HEATR5B: variants seen among roughly 807,000 people sequenced by gnomAD.
The protein encoded by HEATR5B is HEAT repeat containing 5B, also known as HEAT repeat-containing protein 5B.
In HEATR5B, 156 loss-of-function variants were observed where a neutral mutation model predicts 224.1. The ratio of observed to expected loss-of-function variants is 0.70; its 90% confidence interval spans 0.61 to 0.80. The LOEUF is 0.80. Ranked by LOEUF, HEATR5B falls within the 30% of genes least tolerant of loss-of-function variation. The pLI, the probability that HEATR5B is intolerant of heterozygous loss-of-function variation, is 0.00. For synonymous variants in HEATR5B, 1,027 were observed against 893.0 expected, an observed-to-expected ratio of 1.15 and a Z score of -2.68; for missense variants, 2,323 against 2,535.5, an observed-to-expected ratio of 0.92 and a Z score of 1.80.
At chr2:37,069,904 T>TTA (rs1436351058) in intron 7 of HEATR5B, among the ~76,000 whole-genome samples, 1 of 150,618 alleles carries the variant, frequency 6.6e-6, no homozygotes. Flanking sequence ...CAAAATCTTT[T>TTA]TTTTTTTTTT....
chr2:37,004,107 C>T (rs886655224), intron 30 of HEATR5B, among the ~76,000 whole-genome samples: 1 of 152,248 alleles, frequency 6.6e-6, no homozygotes, highest in Non-Finnish European at 1.5e-5. Flanking sequence ...TCAGCAACTA[C>T]TACAAACTTT....
At chr2:37,067,569 G>C (rs1379188457) in intron 8 of HEATR5B, among the ~76,000 whole-genome samples, 1 of 152,080 alleles carries the variant, frequency 6.6e-6, no homozygotes, top group Non-Finnish European at 1.5e-5. Flanking sequence ...AGGAGTTTGA[G>C]ACCAGCCTGG....
intron 12 of HEATR5B, 36 bp from the exon 13 acceptor site, chr2:37,059,023 G>T: frequency 7.7e-7 from 1 of 1,299,888 alleles, no homozygotes; most frequent in Non-Finnish European, 1.1e-6. Flanking sequence ...ATTTGGAGTA[G>T]CTTTTGTGAA....
chr2:37,019,723 T>C, intron 26 of HEATR5B, 86 bp downstream of exon 26: 1 of 971,324 alleles, frequency 1.0e-6, no homozygotes, highest in East Asian at 2.5e-5. Flanking sequence ...TCCCAAATTT[T>C]TCTCTATTCC....
chr2:37,082,747 C>T (rs569964007), intron 2 of HEATR5B, among the ~76,000 whole-genome samples: 1 of 152,280 alleles, frequency 6.6e-6, no homozygotes, highest in African/African-American at 2.4e-5. Context: ...TTAATAGACA[C>T]TTGAGTAAAT....
rs1667223275 is a variant in HEATR5B at position 37,003,526 on chromosome 2, A to G, written c.5050+16T>C. 5 of 1,551,630 alleles carry G rather than the reference A, an allele frequency of 3.2e-6. No individual in the cohort carries two copies. Among genetic ancestry groups the G allele is most frequent in the Non-Finnish European group, 4.4e-6 (5 of 1,137,058 alleles). The stretch of plus-strand genomic sequence containing the variant: ...AATAAGATTTACTTCAAGTTAGTGT[A>G]ATTTCTAGTGCTTACTTAGAGTGTT... On this transcript the variant is annotated intron_variant, in intron 31 of 35. Transcript: ENST00000233099.
At chr2:37,044,351 C>A (rs948529740) in intron 18 of HEATR5B, among the ~76,000 whole-genome samples, 1 of 152,150 alleles carries the variant, frequency 6.6e-6, no homozygotes, top group Non-Finnish European at 1.5e-5. Context: ...TAGTTTCATA[C>A]GAATGAAATC....
At chr2:37,017,359 C>T (rs1291746346) in intron 26 of HEATR5B, among the ~76,000 whole-genome samples, 7 of 147,254 alleles carry the variant, frequency 4.8e-5, no homozygotes, top group Non-Finnish European at 7.4e-5. Context: ...TGCCACTGCA[C>T]TACAGCCTGG....
At chr2:37,000,881 T>C in intron 32 of HEATR5B, 68 bp from the exon 33 acceptor site, 1 of 1,064,860 alleles carries the variant, frequency 9.4e-7, no homozygotes, top group Non-Finnish European at 1.4e-6. Context: ...TTTTCATTGC[T>C]TGTATTTTTT....
chr2:37,070,367 G>A lies in HEATR5B; in HGVS notation c.790C>T (p.Arg264Ter), dbSNP rs1021486358. Residue 264 changes from arginine to a stop codon, truncating the protein, a stop_gained, in exon 7 of 36, where the codon CGA becomes TGA. Coordinates refer to ENST00000233099, the MANE Select transcript of HEATR5B (RefSeq NM_019024.3). LOFTEE classifies it high-confidence loss of function. ...TCTAAGACTTCATCAAATGTTGCTC[G>A]CTTCACATTCTGACGCATTACTTTC... ...QATVMRQNVK[R>*]ATFDEVLELM... is the part of the protein sequence containing the mutation. 6.2e-7 allele frequency: 1 copy of A among 1,613,630 alleles called. No individual in the cohort carries two copies. Among genetic ancestry groups the A allele is most frequent in the Non-Finnish European group, 8.5e-7 (1 of 1,179,684 alleles).
intron 5 of HEATR5B, among the ~76,000 whole-genome samples, chr2:37,073,805 A>G (rs1672056514): frequency 1.3e-5 from 2 of 152,200 alleles, no homozygotes. Context: ...ACTGGGCAAA[A>G]CAATTTTGAA....
intron 34 of HEATR5B, among the ~76,000 whole-genome samples, chr2:36,990,028 A>G (rs890534511): frequency 1.4e-4 from 20 of 147,168 alleles, no homozygotes; most frequent in Non-Finnish European, 2.4e-4. Context: ...CAGCCTCCCA[A>G]GTAGCTGGGA....
chr2:37,008,737 G>A lies in HEATR5B; in HGVS notation c.4396C>T (p.Pro1466Ser). The A allele has an allele frequency of 6.2e-7, 1 of 1,613,942 alleles. No individual in the cohort carries two copies. Residue 1466 changes from proline (P) to serine (S), a missense_variant, in exon 28 of 36, where the codon CCA becomes TCA. Pro to Ser is a moderately conservative substitution (Grantham distance 74, BLOSUM62 -1). Coordinates refer to ENST00000233099, the MANE Select transcript of HEATR5B (RefSeq NM_019024.3). ...TGTACCAGTGTTATTAAACTATCTG[G>A]TGGCAGTTCATCGATGGTACCACAG... ...DDCGTIDELPPDSLITLVQPE... is the reference protein window; with the variant it reads ...DDCGTIDELPSDSLITLVQPE...
chr2:37,023,389 A>C (rs564345149), intron 24 of HEATR5B, among the ~76,000 whole-genome samples: 1 of 152,280 alleles, frequency 6.6e-6, no homozygotes, highest in African/African-American at 2.4e-5. Context: ...TTTTGTTGTC[A>C]CTGTTGTTGT....
intron 25 of HEATR5B, among the ~76,000 whole-genome samples, 178 bp from the exon 26 acceptor site, chr2:37,020,055 C>T (rs1363281251): frequency 6.6e-6 from 1 of 151,998 alleles, no homozygotes; most frequent in Non-Finnish European, 1.5e-5. Context: ...AGGCATGCAC[C>T]ACTACTGCCA....
chr2:37,017,283 G>A (rs747843453), intron 26 of HEATR5B, among the ~76,000 whole-genome samples: 1 of 152,110 alleles, frequency 6.6e-6, no homozygotes, highest in African/African-American at 2.4e-5. Flanking sequence ...TACTTGGAAG[G>A]CTGAGGCAGG....
chr2:37,030,966 C>T (rs1357419728), intron 22 of HEATR5B, among the ~76,000 whole-genome samples: 2 of 152,224 alleles, frequency 1.3e-5, no homozygotes, highest in African/African-American at 4.8e-5. Flanking sequence ...TTCTGTTGAA[C>T]ATCTGCTTTC....
chr2:37,036,872 C>T (rs1223193069), intron 21 of HEATR5B, among the ~76,000 whole-genome samples: 3 of 151,912 alleles, frequency 2.0e-5, no homozygotes, highest in Admixed American at 2.0e-4. Context: ...AGGCCTCCTG[C>T]TAACGCTCTC....
Position 37,037,745 on chromosome 2 carries a change from C to A in HEATR5B, c.3216+110G>T, listed in dbSNP as rs540758229. Reference sequence around the variant, plus strand: ...TATACTGTAGGCTTGCATCAAAATACCCCAAGTACCCCAAAAATATATATA... The same window carrying A: ...TATACTGTAGGCTTGCATCAAAATAACCCAAGTACCCCAAAAATATATATA... On this transcript the variant is annotated intron_variant, in intron 21 of 35. Transcript: ENST00000233099. 357 of 630,686 alleles carry A rather than the reference C, an allele frequency of 5.7e-4. No homozygotes were observed. In the African/African-American group the frequency reaches 6.4e-3, roughly 11 times the overall value. The allele number at this position is 630,686 out of a possible 1,614,324, so 39.1% of individuals were successfully genotyped here.
Sources: allele counts gnomAD v4.1 joint callset (sites outside exome capture counted in the v4.1 genomes callset), GRCh38; gene constraint gnomAD v4.1.1; transcripts MANE v1.5; gene names NCBI Gene and HGNC (gene_info 2026-07-23, HGNC 2026-07-21).